CDK14: variants seen among roughly 807,000 people sequenced by gnomAD.
The protein encoded by CDK14 is cyclin-dependent kinase 14.
Under a neutral mutation model 60.7 loss-of-function variants are expected in CDK14, and 34 were observed. The ratio of observed to expected loss-of-function variants is 0.56; its 90% CI spans 0.43 to 0.75. CDK14 has a LOEUF of 0.75. CDK14 is among the 30% of genes least tolerant of loss of function. CDK14 has a pLI of 0.00. For synonymous variants in CDK14, 197 were observed against 203.7 expected, an observed-to-expected ratio of 0.97 and a Z score of 0.28; for missense variants, 482 against 564.1, an observed-to-expected ratio of 0.85 and a Z score of 1.47.
intron 12 of CDK14, among the ~76,000 whole-genome samples, chr7:91,093,554 A>G (rs186821434): frequency 6.6e-6 from 1 of 152,334 alleles, no homozygotes; most frequent in African/African-American, 2.4e-5. Flanking sequence ...GAATGTTTCT[A>G]TCTCAAGGTA....
intron 8 of CDK14, among the ~76,000 whole-genome samples, chr7:90,951,160 T>C (rs565814516): frequency 9.0e-4 from 137 of 152,304 alleles, no homozygotes; most frequent in African/African-American, 3.2e-3. Flanking sequence ...AACTGTCTTA[T>C]GGTAAAATAT....
At chr7:91,136,165 C>G (rs1800273566) in intron 14 of CDK14, among the ~76,000 whole-genome samples, 1 of 152,148 alleles carries the variant, frequency 6.6e-6, no homozygotes, top group Non-Finnish European at 1.5e-5. Flanking sequence ...ACCCGACCAG[C>G]CTTGTCTTTT....
At chr7:90,798,596 A>G (rs1788525128) in intron 5 of CDK14, among the ~76,000 whole-genome samples, 2 of 152,226 alleles carry the variant, frequency 1.3e-5, no homozygotes, top group Non-Finnish European at 2.9e-5. Context: ...AGAATAGGAA[A>G]GCACCATGCA....
chr7:90,805,680 T>C (rs534306424), intron 5 of CDK14, among the ~76,000 whole-genome samples: 10 of 152,116 alleles, frequency 6.6e-5, no homozygotes, highest in Non-Finnish European at 1.5e-4. Context: ...ATTGAAGATC[T>C]CGTATTGTTA....
chr7:90,965,672 T>A (rs1267495122), intron 9 of CDK14, among the ~76,000 whole-genome samples: 2 of 152,208 alleles, frequency 1.3e-5, no homozygotes, highest in African/African-American at 4.8e-5. Flanking sequence ...TTTAGGTGCA[T>A]TAGAAGAATG....
intron 2 of CDK14, chr7:90,692,554 G>T (rs1801573653): frequency 4.3e-6 from 1 of 232,998 alleles, no homozygotes; most frequent in Non-Finnish European, 7.0e-6. Flanking sequence ...CCATTTACAT[G>T]CCACGTTTGT....
At chr7:90,643,885 C>T (rs17865981) in intron 2 of CDK14, among the ~76,000 whole-genome samples, 2,582 of 152,126 alleles carry the variant, frequency 0.017, 77 homozygotes, top group African/African-American at 0.059. Context: ...AGGAGTGAAA[C>T]GATATAAATC....
intron 2 of CDK14, among the ~76,000 whole-genome samples, chr7:90,615,619 A>G (rs1198354376): frequency 6.6e-6 from 1 of 152,200 alleles, no homozygotes; most frequent in Non-Finnish European, 1.5e-5. Context: ...AGTTGCAGTT[A>G]GAGTACCAGG....
intron 11 of CDK14, among the ~76,000 whole-genome samples, chr7:91,077,168 A>G (rs13262631): frequency 6.6e-6 from 1 of 152,358 alleles, no homozygotes; most frequent in East Asian, 1.9e-4. Flanking sequence ...AGGAATATAA[A>G]TGATTCTGCT....
At chr7:90,638,122 C>G (rs1307709743) in intron 2 of CDK14, among the ~76,000 whole-genome samples, 1 of 151,880 alleles carries the variant, frequency 6.6e-6, no homozygotes, top group Non-Finnish European at 1.5e-5. Flanking sequence ...AGCATTTAGT[C>G]CATTTACATT....
At chr7:90,762,893 G>A (rs1584867710) in intron 4 of CDK14, among the ~76,000 whole-genome samples, 1 of 152,224 alleles carries the variant, frequency 6.6e-6, no homozygotes, top group East Asian at 1.9e-4. Flanking sequence ...AGAGGCTGAG[G>A]CAGAAGAATT....
At chr7:91,117,769 T>C (rs1169864050) in intron 13 of CDK14, among the ~76,000 whole-genome samples, 1 of 152,170 alleles carries the variant, frequency 6.6e-6, no homozygotes, top group Non-Finnish European at 1.5e-5. Flanking sequence ...AATGAGAGAA[T>C]GGCACAAAGG....
In CDK14 at chr7:90,918,680, C is replaced by T. The variant is rs375884278; in HGVS notation, c.826+956C>T. 9.2e-5 allele frequency among the ~76,000 whole-genome samples: 14 copies of T among 152,290 alleles called. No homozygotes were observed. The South Asian group carries it at 2.9e-3, about 32-fold the overall frequency. On this transcript the variant is annotated intron_variant, in intron 8 of 14. Transcript: ENST00000380050. ...TTAAGAATGGAATGAAAATATTACCCTTGGGACATAAAGATGCCTGAGGTT... is the reference window on the plus strand; with the variant it reads ...TTAAGAATGGAATGAAAATATTACCTTTGGGACATAAAGATGCCTGAGGTT...
chr7:91,121,057 A>G (rs1799769393), intron 14 of CDK14, among the ~76,000 whole-genome samples: 1 of 152,262 alleles, frequency 6.6e-6, no homozygotes. Flanking sequence ...ATCAAATAAT[A>G]TAGCCTATTT....
At chr7:90,884,521 A>C (rs112452188) in intron 6 of CDK14, among the ~76,000 whole-genome samples, 5,855 of 152,270 alleles carry the variant, frequency 0.038, 198 homozygotes, top group South Asian at 0.083. Flanking sequence ...AAAGTAATTT[A>C]TAGATTCAAT....
At chr7:90,714,658 T>C (rs1225139514) in intron 2 of CDK14, among the ~76,000 whole-genome samples, 1 of 152,080 alleles carries the variant, frequency 6.6e-6, no homozygotes, top group Admixed American at 6.6e-5. Context: ...TATGATTCTC[T>C]GAAAATGTTA....
intron 2 of CDK14, among the ~76,000 whole-genome samples, chr7:90,669,080 C>T (rs1305362867): frequency 6.6e-6 from 1 of 151,972 alleles, no homozygotes; most frequent in Non-Finnish European, 1.5e-5. Context: ...TTGCTGTTTT[C>T]TCTTTGCCTG....
At chr7:91,087,046 C>T (rs1446959795) in intron 12 of CDK14, among the ~76,000 whole-genome samples, 1 of 152,132 alleles carries the variant, frequency 6.6e-6, no homozygotes, top group Admixed American at 6.6e-5. Flanking sequence ...CTCAGCCTCC[C>T]AAGTAGCTGG....
At chr7:90,748,841 G>A (rs1009387109) in intron 4 of CDK14, among the ~76,000 whole-genome samples, 5 of 152,064 alleles carry the variant, frequency 3.3e-5, no homozygotes, top group African/African-American at 1.2e-4. Flanking sequence ...CTCTGGCCTC[G>A]GCCACCCAAA....
Sources: allele counts gnomAD v4.1 joint callset (sites outside exome capture counted in the v4.1 genomes callset), GRCh38; gene constraint gnomAD v4.1.1; transcripts MANE v1.5; gene names NCBI Gene and HGNC (gene_info 2026-07-23, HGNC 2026-07-21).